PPP1R8: variants seen among roughly 807,000 people sequenced by gnomAD.
PPP1R8 encodes the protein protein phosphatase 1 regulatory subunit 8, also known as nuclear inhibitor of protein phosphatase 1.
A neutral mutation model predicts 31.3 loss-of-function variants in PPP1R8; 4 were observed. The observed-to-expected ratio is 0.13, with a 90% confidence interval of 0.06 to 0.29. The LOEUF is 0.29. Ranked by LOEUF, PPP1R8 falls within the 10% of genes least tolerant of loss-of-function variation. The pLI, the probability that PPP1R8 is intolerant of heterozygous loss-of-function variation, is 1.00. For missense variants in PPP1R8, 254 were observed against 440.1 expected (o/e 0.58, Z 3.78); for synonymous variants, 170 against 169.7 (o/e 1.00, Z -0.01).
chr1:27,837,856 C>T (rs545164272), intron 2 of PPP1R8, among the ~76,000 whole-genome samples: 1 of 151,908 alleles, frequency 6.6e-6, no homozygotes, highest in Non-Finnish European at 1.5e-5. Context: ...GTGGGCAGAT[C>T]ATGAGGTCAG....
At chr1:27,833,169 T>C (rs554906017) in intron 2 of PPP1R8, among the ~76,000 whole-genome samples, 56 of 152,302 alleles carry the variant, frequency 3.7e-4, no homozygotes, top group African/African-American at 1.3e-3. Context: ...GTGAATGATA[T>C]ATATTGAGTT....
chr1:27,841,790 C>T (rs1431488468), intron 4 of PPP1R8, among the ~76,000 whole-genome samples: 1 of 152,134 alleles, frequency 6.6e-6, no homozygotes, highest in East Asian at 1.9e-4. Flanking sequence ...TGCTTTTGTT[C>T]TTCCATGGGC....
intron 4 of PPP1R8, among the ~76,000 whole-genome samples, chr1:27,842,307 A>C (rs912132059): frequency 2.0e-5 from 3 of 149,332 alleles, no homozygotes; most frequent in Non-Finnish European, 3.0e-5. Flanking sequence ...GCGCAGTTGC[A>C]CTCCAGCCTG....
At position 27,830,861 on chromosome 1, in the gene PPP1R8, C is replaced by G; in HGVS notation, c.26C>G (p.Ser9Cys). Reference sequence around the variant, plus strand: ...ATGGCGGCAGCCGCGAACTCCGGCTCTAGCCTCCCGCTGTTCGACTGCCCA... The same window carrying G: ...ATGGCGGCAGCCGCGAACTCCGGCTGTAGCCTCCCGCTGTTCGACTGCCCA... MAAAANSGSSLPLFDCPTW... is the reference protein window; with the variant it reads MAAAANSGCSLPLFDCPTW... Residue 9 changes from serine to cysteine, a missense_variant, in exon 1 of 7, where the codon TCT becomes TGT. This residue lies in a region of PPP1R8 where 38 missense variants were observed against 18.6 expected (regional missense o/e 2.04). Coordinates refer to ENST00000311772, the MANE Select transcript of PPP1R8 (RefSeq NM_014110.5). The G allele has an allele frequency of 1.3e-6, 2 of 1,575,682 alleles. No individual in the cohort carries two copies. The highest frequency in any genetic ancestry group is 1.2e-5 in the South Asian group (1 of 85,774).
At chr1:27,834,603 C>T (rs779981159) in intron 2 of PPP1R8, 6 of 506,702 alleles carry the variant, frequency 1.2e-5, no homozygotes, top group East Asian at 5.5e-5. Flanking sequence ...CAAGAAGCTA[C>T]GGCTTTAGTG....
At chr1:27,839,914 A>C (rs2148616838) in intron 3 of PPP1R8, among the ~76,000 whole-genome samples, 1 of 152,172 alleles carries the variant, frequency 6.6e-6, no homozygotes, top group South Asian at 2.1e-4. Context: ...TACAAAAAGT[A>C]GCCCTGTATT....
At chr1:27,849,295 C>T (rs906355906) in intron 6 of PPP1R8, among the ~76,000 whole-genome samples, 50 of 149,804 alleles carry the variant, frequency 3.3e-4, no homozygotes, top group African/African-American at 1.1e-3. Context: ...GGCTTGAACC[C>T]GGGAGGCAGA....
intron 6 of PPP1R8, among the ~76,000 whole-genome samples, chr1:27,848,805 A>G (rs1281761492): frequency 6.6e-6 from 1 of 152,144 alleles, no homozygotes; most frequent in Non-Finnish European, 1.5e-5. Context: ...TTCCTTTGGA[A>G]TGTTTTCTTG....
intron 5 of PPP1R8, 107 bp downstream of exon 5, chr1:27,843,437 A>G (rs1250307175): frequency 5.0e-5 from 69 of 1,376,976 alleles, no homozygotes; most frequent in Non-Finnish European, 6.9e-5. Flanking sequence ...AGGGTGGATC[A>G]CTTAAGGTCA....
chr1:27,840,722 A>G (rs999445110), intron 3 of PPP1R8, among the ~76,000 whole-genome samples: 5 of 152,112 alleles, frequency 3.3e-5, no homozygotes, highest in Non-Finnish European at 5.9e-5. Flanking sequence ...AGGTCTGAGG[A>G]TATAAGAAAC....
At chr1:27,849,200 T>C (rs1191753981) in intron 6 of PPP1R8, among the ~76,000 whole-genome samples, 1 of 152,000 alleles carries the variant, frequency 6.6e-6, no homozygotes, top group Non-Finnish European at 1.5e-5. Context: ...GGAGAAACCC[T>C]GTCTCTACTA....
intron 2 of PPP1R8, among the ~76,000 whole-genome samples, chr1:27,838,018 TG>T (rs1233320015): frequency 6.6e-6 from 1 of 151,536 alleles, no homozygotes; most frequent in African/African-American, 2.4e-5. Flanking sequence ...GAGACCAGCC[TG>T]GCCAACATGG....
At chr1:27,838,516 A>G (rs2089192834) in intron 2 of PPP1R8, among the ~76,000 whole-genome samples, 183 bp from the exon 3 acceptor site, 1 of 152,228 alleles carries the variant, frequency 6.6e-6, no homozygotes, top group Non-Finnish European at 1.5e-5. Flanking sequence ...TTGAAGAATA[A>G]TGGGAGATAT....
intron 1 of PPP1R8, chr1:27,831,250 C>T (rs905762794): frequency 7.8e-6 from 8 of 1,023,018 alleles, no homozygotes; most frequent in African/African-American, 1.7e-5. Flanking sequence ...CCTTCCTGTA[C>T]GTCCCGAGCG....
chr1:27,844,709 T>G (rs866925776), intron 5 of PPP1R8, among the ~76,000 whole-genome samples: 2 of 124,796 alleles, frequency 1.6e-5, no homozygotes, highest in East Asian at 4.5e-4. Context: ...ATTTCTTTTT[T>G]TTTTTTTTTT....
intron 5 of PPP1R8, among the ~76,000 whole-genome samples, chr1:27,845,783 CTTTTTT>C (rs773994854): frequency 2.7e-4 from 25 of 91,814 alleles, no homozygotes; most frequent in African/African-American, 1.2e-3. Context: ...TTCTTTCTTT[CTTTTTT>C]TTTTTTTTTT....
intron 6 of PPP1R8, among the ~76,000 whole-genome samples, 171 bp from the exon 7 acceptor site, chr1:27,849,922 A>G (rs1369051764): frequency 6.6e-6 from 1 of 152,200 alleles, no homozygotes; most frequent in Non-Finnish European, 1.5e-5. Flanking sequence ...TCAAACCGTA[A>G]GATTTCAACA....
At chr1:27,842,374 A>G (rs1308281677) in intron 4 of PPP1R8, among the ~76,000 whole-genome samples, 1 of 151,958 alleles carries the variant, frequency 6.6e-6, no homozygotes, top group Non-Finnish European at 1.5e-5. Context: ...AAATTTTACA[A>G]TTAAGAAGTC....
chr1:27,844,884 A>ATTTTTTT lies in PPP1R8; in HGVS notation c.637+1578_637+1584dup, dbSNP rs765514573. Among the ~76,000 whole-genome samples, 221 of 72,376 alleles carry ATTTTTTT rather than the reference A, an allele frequency of 3.1e-3. 35 individuals carry two copies. The highest frequency in any genetic ancestry group is 0.022 in the African/African-American group (213 of 9,870). 47.5% of individuals were successfully genotyped at this position (72,376 alleles called of 152,430 possible). On this transcript the variant is annotated intron_variant, in intron 5 of 6. Transcript: ENST00000311772. ...AGGCGCCCGCCACCATGCCCGACTA[A>ATTTTTTT]TTTTTTTTTTTTTTTTTTTTTTTTT...
Sources: gnomAD v4.1 joint callset for allele counts (sites outside exome capture counted in the v4.1 genomes callset) on GRCh38, gnomAD v4.1.1 for gene constraint, gnomAD v4.1.1 regional missense constraint, MANE v1.5 for transcripts, NCBI Gene and HGNC (gene_info 2026-07-23, HGNC 2026-07-21) for gene names.